The following PPM1H variants were observed in gnomAD, a reference collection of about 807,000 sequenced individuals.
PPM1H encodes protein phosphatase, Mg2+/Mn2+ dependent 1H, also known as protein phosphatase 1H.
PPM1H carries 27 observed loss-of-function variants against 54.9 expected under a neutral mutation model. The ratio of observed to expected loss-of-function variants is 0.49; its 90% confidence interval spans 0.36 to 0.68. PPM1H has a LOEUF of 0.68. PPM1H is among the 30% of genes least tolerant of loss of function. PPM1H has a pLI of 0.00. For synonymous variants in PPM1H, 305 were observed against 270.8 expected (o/e 1.13, Z -1.24); for missense variants, 596 against 667.8 (o/e 0.89, Z 1.19).
chr12:62,785,583 G>T (rs1047595057), intron 4 of PPM1H, among the ~76,000 whole-genome samples: 1 of 152,198 alleles, frequency 6.6e-6, no homozygotes, highest in Non-Finnish European at 1.5e-5. Flanking sequence ...ATACTTTATA[G>T]TACAACTTTA....
chr12:62,802,265 T>C, intron 2 of PPM1H, 105 bp from the exon 3 acceptor site: 1 of 861,770 alleles, frequency 1.2e-6, no homozygotes, highest in Non-Finnish European at 1.7e-6. Context: ...CTTGGTTGTC[T>C]GTCGTCTGCA....
intron 2 of PPM1H, among the ~76,000 whole-genome samples, chr12:62,803,968 C>T (rs2076788595): frequency 6.6e-6 from 1 of 152,126 alleles, no homozygotes; most frequent in Non-Finnish European, 1.5e-5. Context: ...AAGATGCTCA[C>T]CATCGATACC....
chr12:62,725,518 T>A (rs1005243442), intron 5 of PPM1H, among the ~76,000 whole-genome samples: 6 of 152,222 alleles, frequency 3.9e-5, no homozygotes, highest in Non-Finnish European at 7.3e-5. Context: ...ACACCCACTT[T>A]ATCCAATTAT....
intron 8 of PPM1H, among the ~76,000 whole-genome samples, chr12:62,675,079 G>C (rs1373885903): frequency 5.9e-5 from 9 of 152,192 alleles, no homozygotes. Context: ...AAATATGTTG[G>C]CTGCTCATAC....
At chr12:62,750,519 T>C (rs914711354) in intron 4 of PPM1H, among the ~76,000 whole-genome samples, 13 of 152,270 alleles carry the variant, frequency 8.5e-5, no homozygotes, top group Non-Finnish European at 1.3e-4. Context: ...CATTCATTAG[T>C]TGGCAGACAT....
intron 1 of PPM1H, among the ~76,000 whole-genome samples, chr12:62,919,584 A>AT (rs753665661): frequency 3.9e-5 from 6 of 152,158 alleles, no homozygotes; most frequent in African/African-American, 1.2e-4. Flanking sequence ...TATCTGGTTA[A>AT]TTTTTTTTAA....
intron 9 of PPM1H, among the ~76,000 whole-genome samples, chr12:62,663,576 G>C (rs763988834): frequency 2.6e-5 from 4 of 152,180 alleles, no homozygotes; most frequent in Non-Finnish European, 5.9e-5. Context: ...CCAGGGTACA[G>C]ACCTAAGAGT....
At chr12:62,833,364 C>G (rs1868408057) in intron 1 of PPM1H, among the ~76,000 whole-genome samples, 1 of 152,224 alleles carries the variant, frequency 6.6e-6, no homozygotes, top group East Asian at 1.9e-4. Flanking sequence ...TTTTAAAAAC[C>G]TTTTCATTCT....
chr12:62,785,740 G>C (rs1273269250), intron 4 of PPM1H, among the ~76,000 whole-genome samples: 1 of 152,024 alleles, frequency 6.6e-6, no homozygotes, highest in East Asian at 1.9e-4. Flanking sequence ...GAACTCTTGG[G>C]ACTGGCAGAT....
At chr12:62,884,519 G>T (rs866111650) in intron 1 of PPM1H, among the ~76,000 whole-genome samples, 1 of 118,264 alleles carries the variant, frequency 8.5e-6, no homozygotes, top group East Asian at 2.4e-4. Context: ...AAAAAAAAAA[G>T]AAAGAAAGAA....
Position 62,802,101 on chromosome 12 carries a change from C to T in PPM1H, c.471G>A (p.Gly157=), listed in dbSNP as rs779459434. ...GCAGGCGTGACGCCACCACCGCGGC[C>T]CCGGACCCCGCGTGCCCGTCAAACA... ...WSLFDGHAGS[G]AAVVASRLLQ... The change falls in exon 3 of 10, where the codon GGG becomes GGA. Residue 157 remains glycine, a synonymous_variant. Transcript: ENST00000228705. 3 of 1,606,228 alleles carry T rather than the reference C, an allele frequency of 1.9e-6. No individual in the cohort carries two copies. The highest frequency in any genetic ancestry group is 2.6e-6 in the Non-Finnish European group (3 of 1,176,124).
At chr12:62,742,264 G>A (rs1009322208) in intron 4 of PPM1H, among the ~76,000 whole-genome samples, 4 of 152,158 alleles carry the variant, frequency 2.6e-5, no homozygotes, top group South Asian at 2.1e-4. Context: ...TTTCACTTCC[G>A]TTTGAACTAC....
intron 1 of PPM1H, among the ~76,000 whole-genome samples, chr12:62,858,281 G>T (rs1270447479): frequency 1.3e-5 from 2 of 152,118 alleles, no homozygotes; most frequent in Non-Finnish European, 2.9e-5. Context: ...CTGCCTGCAG[G>T]ATGTGGCCCA....
chr12:62,793,047 A>G (rs975497617), intron 3 of PPM1H, among the ~76,000 whole-genome samples: 3 of 152,188 alleles, frequency 2.0e-5, no homozygotes, highest in African/African-American at 7.2e-5. Flanking sequence ...AAACCACGGG[A>G]AAAACTGCTT....
chr12:62,673,394 T>C (rs2136618889), intron 8 of PPM1H, among the ~76,000 whole-genome samples: 1 of 152,326 alleles, frequency 6.6e-6, no homozygotes, highest in African/African-American at 2.4e-5. Flanking sequence ...TTACTGATGA[T>C]ATTTTGGTGG....
intron 4 of PPM1H, among the ~76,000 whole-genome samples, chr12:62,767,704 A>G (rs1592589019): frequency 6.6e-6 from 1 of 152,302 alleles, no homozygotes; most frequent in South Asian, 2.1e-4. Context: ...GCTTAACACA[A>G]TAGAAAATGA....
intron 2 of PPM1H, among the ~76,000 whole-genome samples, chr12:62,812,058 A>C (rs2076839014): frequency 6.6e-6 from 1 of 152,240 alleles, no homozygotes. Context: ...CTCCAAGTTA[A>C]GGGATCTTTC....
At chr12:62,886,927 G>A (rs1217633218) in intron 1 of PPM1H, among the ~76,000 whole-genome samples, 2 of 152,194 alleles carry the variant, frequency 1.3e-5, no homozygotes, top group Non-Finnish European at 2.9e-5. Context: ...TGGCAGGTAG[G>A]CTGGAGGGGA....
rs2075775074 is a variant in PPM1H, at chr12:62,644,637, TC to T, written c.*3851del. 6.6e-6 allele frequency: 1 copy of T among 152,228 alleles called. No individual in the cohort carries two copies. The highest frequency in any genetic ancestry group is 2.1e-4 in the South Asian group (1 of 4,826). The allele number at this position is 152,228 out of a possible 1,614,324, so 9.4% of individuals were successfully genotyped here. ...TCACAGAAGAGGCAAGTCAGTCTGC[TC>T]GCGTAGCGTCCTTTGAAAAATCCCA... On this transcript the variant is annotated 3_prime_UTR_variant, in exon 10 of 10. Transcript: ENST00000228705.
Sources: allele counts gnomAD v4.1 joint callset (sites outside exome capture counted in the v4.1 genomes callset), GRCh38; gene constraint gnomAD v4.1.1; transcripts MANE v1.5; gene names NCBI Gene and HGNC (gene_info 2026-07-23, HGNC 2026-07-21).